CNTNAP1: variants seen among roughly 807,000 people sequenced by gnomAD.
The protein encoded by CNTNAP1 is contactin-associated protein 1.
A neutral mutation model predicts 161.5 loss-of-function variants in CNTNAP1; 80 were observed. The observed-to-expected ratio is 0.50, with a 90% CI of 0.41 to 0.60. The LOEUF is 0.60. Among genes scored for constraint, CNTNAP1 ranks in the 20% least tolerant of loss-of-function variants. The pLI, the probability that CNTNAP1 is intolerant of heterozygous loss-of-function variation, is 0.00. For synonymous variants in CNTNAP1, 695 were observed against 733.1 expected (o/e 0.95, Z 0.84); for missense variants, 1,464 against 1,854.8 (o/e 0.79, Z 3.87).
At chr17:42,692,763 C>G in intron 17 of CNTNAP1, 43 bp downstream of exon 17, 1 of 1,539,864 alleles carries the variant, frequency 6.5e-7, no homozygotes, top group South Asian at 1.2e-5. Flanking sequence ...TCCTTTACCT[C>G]CCCATCCTCC....
chr17:42,684,206 T>G lies in CNTNAP1; in HGVS notation c.340T>G (p.Phe114Val). The G allele has an allele frequency of 6.2e-7, 1 of 1,613,726 alleles. No individual in the cohort carries two copies. The highest frequency in any genetic ancestry group is 8.5e-7 in the Non-Finnish European group (1 of 1,179,856). The change falls in exon 3 of 24, where the codon TTC (phenylalanine) becomes GTC (valine). Residue 114 changes from phenylalanine to valine, a missense_variant. By Grantham distance (50) the Phe-to-Val change is conservative. This residue lies in a region of CNTNAP1 where 1,383 missense variants were observed against 1,765.0 expected (regional missense o/e 0.78). Transcript: ENST00000264638. Reference protein sequence around the residue: ...YGDRVDSWTPFYQRGHNSTFF... With the variant: ...YGDRVDSWTPVYQRGHNSTFF... The stretch of plus-strand genomic sequence containing the variant: ...CGACCGAGTGGACAGCTGGACACCG[T>G]TCTACCAGCGAGGGCACAACTCGGT...
chr17:42,695,917 C>G, intron 19 of CNTNAP1, 43 bp downstream of exon 19: 1 of 1,597,048 alleles, frequency 6.3e-7, no homozygotes, highest in Non-Finnish European at 8.6e-7. Flanking sequence ...AGCTTCACCC[C>G]GGTGCCCCTA....
chr17:42,698,444 A>AAT (rs2053178072), intron 23 of CNTNAP1, among the ~76,000 whole-genome samples, 174 bp from the exon 24 acceptor site: 1 of 135,016 alleles, frequency 7.4e-6, no homozygotes, highest in Non-Finnish European at 1.5e-5. Context: ...GCCAAAAGTA[A>AAT]ATGTGTGTGT....
At position 42,696,168 on chromosome 17, in the gene CNTNAP1, G is replaced by A; in HGVS notation, c.3474+16G>A. 6.2e-7 allele frequency: 1 copy of A among 1,614,028 alleles called. No homozygotes were observed. ...CTTCATCCAGGTATGCATAGAGGGA[G>A]GTGAGCCAGTTCAGATCATAACCTC... On this transcript the variant is annotated intron_variant, in intron 20 of 23. Transcript: ENST00000264638.
rs558692747 is a variant in CNTNAP1, at chr17:42,683,802, G to A, written c.68-19G>A. On this transcript the variant is annotated intron_variant, in intron 1 of 23. Coordinates refer to ENST00000264638, the MANE Select transcript of CNTNAP1 (RefSeq NM_003632.3). The stretch of plus-strand genomic sequence containing the variant: ...TGGGAGGGGCCAGCGCTGACTAACA[G>A]TCGGTTTCCCTACCCTAGACGGCTG... The A allele has an allele frequency of 1.9e-4, 267 of 1,421,924 alleles. No individual in the cohort carries two copies. The African/African-American group carries it at 5.6e-3, about 30-fold the overall frequency. The allele number at this position is 1,421,924 out of a possible 1,614,324, so 88.1% of individuals were successfully genotyped here. A position where few individuals can be genotyped will look rare whatever the true frequency, so the allele number is the denominator to read the frequency against.
At chr17:42,688,089 T>C (rs2053041104) in intron 8 of CNTNAP1, 108 bp downstream of exon 8, 1 of 1,467,746 alleles carries the variant, frequency 6.8e-7, no homozygotes, top group African/African-American at 1.4e-5. Context: ...GGGAGAGGAG[T>C]GAAGGGGGCA....
Position 42,692,722 on chromosome 17 carries a change from T to C in CNTNAP1, c.2752+2T>C, listed in dbSNP as rs2143667332. 1 of 1,602,130 alleles carries C rather than the reference T, an allele frequency of 6.2e-7. No individual in the cohort carries two copies. Among genetic ancestry groups the C allele is most frequent in the Middle Eastern group, 1.8e-4 (1 of 5,638 alleles). ...AGTATGACCAGCCCCTCTATGTGGG[T>C]AAGCAGCAACCCAGAGGCAAGTCTG... On this transcript the variant is annotated splice_donor_variant, in intron 17 of 23. Coordinates refer to ENST00000264638, the MANE Select transcript of CNTNAP1 (RefSeq NM_003632.3). LOFTEE classifies it high-confidence loss of function.
rs1029867832 is a variant in CNTNAP1 at position 42,699,759 on chromosome 17, A to G, written c.*849A>G. 6.6e-6 allele frequency: 1 copy of G among 152,602 alleles called. No homozygotes were observed. Among genetic ancestry groups the G allele is most frequent in the African/African-American group, 2.4e-5 (1 of 41,420 alleles). The allele number at this position is 152,602 out of a possible 1,614,324, so 9.5% of individuals were successfully genotyped here. ...AAGTGTCTCTCTAGAGAAACTCTAT[A>G]TATTATTCGAATTTTTAAATTATTT... On this transcript the variant is annotated 3_prime_UTR_variant, in exon 24 of 24. Transcript: ENST00000264638.
rs769997660 is a variant in CNTNAP1, at chr17:42,688,475, T to C, written c.1320T>C (p.Asn440=). 6.2e-7 allele frequency: 1 copy of C among 1,614,228 alleles called. No homozygotes were observed. Among genetic ancestry groups the C allele is most frequent in the East Asian group, 2.2e-5 (1 of 44,884 alleles). The change falls in exon 9 of 24, where the codon AAT becomes AAC. Residue 440 remains asparagine, a synonymous_variant. Coordinates refer to ENST00000264638, the MANE Select transcript of CNTNAP1 (RefSeq NM_003632.3). Reference sequence around the variant, plus strand: ...ATTCTTGTCCAGGGTACCGACTGAATGACGGCTTTTGGCACGAGGTGAATT... The same window carrying C: ...ATTCTTGTCCAGGGTACCGACTGAACGACGGCTTTTGGCACGAGGTGAATT... ...KLQFAAGYRL[N]DGFWHEVNFV...
rs1331507210 is a variant in CNTNAP1, at chr17:42,695,669, C to T, written c.3141C>T (p.Gly1047=). ...PGYIPGYDTP[G]YVPGYHGPGY... ...ACATCCCGGGCTATGATACTCCGGG[C>T]TATGTGCCTGGCTACCATGGCCCCG... The change falls in exon 19 of 24, where the codon GGC becomes GGT. Residue 1047 remains glycine (G), a synonymous_variant. Transcript: ENST00000264638. 1.2e-6 allele frequency: 2 copies of T among 1,614,100 alleles called. No individual in the cohort carries two copies. The highest frequency in any genetic ancestry group is 2.2e-5 in the East Asian group (1 of 44,896).
Position 42,695,778 on chromosome 17 carries a change from G to A in CNTNAP1, c.3250G>A (p.Val1084Ile). 6.2e-7 allele frequency: 1 copy of A among 1,614,172 alleles called. No homozygotes were observed. The highest frequency in any genetic ancestry group is 8.5e-7 in the Non-Finnish European group (1 of 1,180,032). Residue 1084 changes from valine (V) to isoleucine (I), a missense_variant, in exon 19 of 24, where the codon GTC becomes ATC. By Grantham distance (29) the Val-to-Ile change is conservative (BLOSUM62 3). Transcript: ENST00000264638. ...TGTCTACAACGTTACGGGAGAGGAG[G>A]TCTCCTTCAGCTTCAGCACCAGCTC... is the stretch of plus-strand genomic sequence containing the variant. ...GPVYNVTGEE[V>I]SFSFSTSSAP... is the part of the protein sequence containing the mutation.
Position 42,687,206 on chromosome 17 carries a change from G to A in CNTNAP1, c.1044+160G>A. 1.1e-6 allele frequency: 1 copy of A among 941,738 alleles called. No homozygotes were observed. Among genetic ancestry groups the A allele is most frequent in the Non-Finnish European group, 1.5e-6 (1 of 647,230 alleles). 58.3% of individuals were successfully genotyped at this position (941,738 alleles called of 1,614,324 possible). Reference sequence around the variant, plus strand: ...GAGGGGAGCGGGTCTCACCTGAGGTGCATGAGCCACGCAGGCCCCTAGTTA... The same window carrying A: ...GAGGGGAGCGGGTCTCACCTGAGGTACATGAGCCACGCAGGCCCCTAGTTA... On this transcript the variant is annotated intron_variant, in intron 7 of 23. Transcript: ENST00000264638. The surrounding 1 kb of genome is among the most constrained non-coding windows in gnomAD (Gnocchi z 4.7).
Position 42,682,876 on chromosome 17 carries a change from G to A in CNTNAP1, c.47G>A (p.Gly16Glu). The A allele has an allele frequency of 6.2e-7, 1 of 1,601,588 alleles. No individual in the cohort carries two copies. The highest frequency in any genetic ancestry group is 8.5e-7 in the Non-Finnish European group (1 of 1,175,010). The change falls in exon 1 of 24, where the codon GGA becomes GAA. Residue 16 changes from glycine (G) to glutamate (E), a missense_variant. Gly to Glu is a moderately conservative substitution (Grantham distance 98). This residue lies in a region of CNTNAP1 where 77 missense variants were observed against 73.6 expected (regional missense o/e 1.05). Transcript: ENST00000264638. ...LFCILLAAVS[G>E]AEGWGYYGCD... ...TGCATCCTGCTCGCCGCGGTCTCAGGAGCCGAGGGCTGGGGCTACTGTGAG... is the reference window on the plus strand; with the variant it reads ...TGCATCCTGCTCGCCGCGGTCTCAGAAGCCGAGGGCTGGGGCTACTGTGAG...
chr17:42,697,821 GACAGAAGGGAGGGATGAC>G, intron 22 of CNTNAP1, 22 bp downstream of exon 22: 1 of 1,614,166 alleles, frequency 6.2e-7, no homozygotes, highest in South Asian at 1.1e-5. Flanking sequence ...GGACACAGAG[GACAGAAGGGAGGGATGAC>G]ACGGAAGGGA....
rs761376045 is a variant in CNTNAP1 at position 42,692,567 on chromosome 17, G to A, written c.2599G>A (p.Asp867Asn). Residue 867 changes from aspartate (D) to asparagine (N), a missense_variant, in exon 17 of 24, where the codon GAC (aspartate) becomes AAC (asparagine). This residue lies in a region of CNTNAP1 where 1,383 missense variants were observed against 1,765.0 expected (regional missense o/e 0.78). Coordinates refer to ENST00000264638, the MANE Select transcript of CNTNAP1 (RefSeq NM_003632.3). ...GDENLTVHSD[D>N]FEFNDDEWHL... The stretch of plus-strand genomic sequence containing the variant: ...TGAGAACCTCACAGTACACTCAGAC[G>A]ACTTTGAGTTCAATGATGACGAGTG... 2.7e-5 allele frequency: 44 copies of A among 1,614,074 alleles called. No individual in the cohort carries two copies. The highest frequency in any genetic ancestry group is 1.5e-4 in the Admixed American group (9 of 60,000).
chr17:42,684,305 G>A lies in CNTNAP1; in HGVS notation c.363+76G>A, dbSNP rs538777377. On this transcript the variant is annotated intron_variant, in intron 3 of 23. Transcript: ENST00000264638. ...GCTCTGGGCCGGGCACCAGCCTCTG[G>A]GAAAATGGAGGGGGTGGTGGTGAGG... is the stretch of plus-strand genomic sequence containing the variant. 4 of 1,400,690 alleles carry A rather than the reference G, an allele frequency of 2.9e-6. No homozygotes were observed. In the African/African-American group the frequency reaches 5.7e-5, roughly 20 times the overall value. 86.8% of individuals were successfully genotyped at this position (1,400,690 alleles called of 1,614,324 possible). A position where few individuals can be genotyped will look rare whatever the true frequency, so the allele number is the denominator to read the frequency against.
At chr17:42,686,303 C>T (rs1474832561) in intron 6 of CNTNAP1, among the ~76,000 whole-genome samples, 162 bp downstream of exon 6, 2 of 151,934 alleles carry the variant, frequency 1.3e-5, no homozygotes, top group South Asian at 4.2e-4. Flanking sequence ...CTTTGGGAGG[C>T]TGAGGTGGGA....
intron 16 of CNTNAP1, among the ~76,000 whole-genome samples, chr17:42,692,199 C>A (rs1446403152): frequency 6.6e-6 from 1 of 152,216 alleles, no homozygotes; most frequent in South Asian, 2.1e-4. Flanking sequence ...TGGCCTTAAG[C>A]CCCTTCCTTG....
At chr17:42,692,764 C>A (rs925624909) in intron 17 of CNTNAP1, 44 bp downstream of exon 17, 1 of 1,540,594 alleles carries the variant, frequency 6.5e-7, no homozygotes, top group Non-Finnish European at 8.8e-7. Context: ...CCTTTACCTC[C>A]CCATCCTCCA....
Sources: gnomAD v4.1 joint callset for allele counts (sites outside exome capture counted in the v4.1 genomes callset) on GRCh38, gnomAD v4.1.1 for gene constraint, gnomAD v4.1.1 regional missense constraint, Gnocchi (gnomAD v3.1) non-coding constraint, MANE v1.5 for transcripts, NCBI Gene and HGNC (gene_info 2026-07-23, HGNC 2026-07-21) for gene names.